The following TIAM1 variants were observed in gnomAD, a reference collection of about 807,000 sequenced individuals.
TIAM1 encodes TIAM Rac1 associated GEF 1, also known as rho guanine nucleotide exchange factor TIAM1.
A neutral mutation model predicts 163.5 loss-of-function variants in TIAM1; 65 were observed. That is an observed-to-expected ratio of 0.40 (90% CI 0.33 to 0.49). TIAM1 has a LOEUF of 0.49. Ranked by LOEUF, TIAM1 falls within the 20% of genes least tolerant of loss-of-function variation. The pLI is 0.77. For synonymous variants in TIAM1, 833 were observed against 810.1 expected, an observed-to-expected ratio of 1.03 and a Z score of -0.48; for missense variants, 1,789 against 2,044.7, an observed-to-expected ratio of 0.87 and a Z score of 2.41.
intron 2 of TIAM1, among the ~76,000 whole-genome samples, chr21:31,288,090 A>G (rs1444076823): frequency 6.6e-6 from 1 of 151,954 alleles, no homozygotes; most frequent in African/African-American, 2.4e-5. Context: ...AACACCTTCC[A>G]CTCTGAGGTA....
intron 1 of TIAM1, among the ~76,000 whole-genome samples, chr21:31,493,730 G>A (rs2046550358): frequency 6.6e-6 from 1 of 152,140 alleles, no homozygotes; most frequent in Non-Finnish European, 1.5e-5. Flanking sequence ...GAAATAAATG[G>A]ATCCAGCAGC....
chr21:31,219,990 C>T (rs2087467040), intron 8 of TIAM1, among the ~76,000 whole-genome samples: 1 of 152,146 alleles, frequency 6.6e-6, no homozygotes, highest in African/African-American at 2.4e-5. Flanking sequence ...TGCATATGCT[C>T]ACATGACTAT....
intron 13 of TIAM1, among the ~76,000 whole-genome samples, chr21:31,190,866 G>A (rs1350456592): frequency 1.3e-5 from 2 of 152,224 alleles, no homozygotes; most frequent in Non-Finnish European, 2.9e-5. Context: ...AAAATAGAAA[G>A]CAGCATATGA....
chr21:31,320,840 A>C, intron 2 of TIAM1, among the ~76,000 whole-genome samples: 1 of 152,190 alleles, frequency 6.6e-6, no homozygotes. Context: ...TAAAAACACA[A>C]TAATTAGCCA....
chr21:31,291,061 A>G (rs950715758), intron 2 of TIAM1, among the ~76,000 whole-genome samples: 1 of 152,346 alleles, frequency 6.6e-6, no homozygotes, highest in East Asian at 1.9e-4. Context: ...GAAGAAAATT[A>G]TAAGACAGAA....
At chr21:31,284,063 T>G (rs2073689832) in intron 2 of TIAM1, among the ~76,000 whole-genome samples, 1 of 152,214 alleles carries the variant, frequency 6.6e-6, no homozygotes, top group Admixed American at 6.5e-5. Flanking sequence ...TGTCATTAAC[T>G]TCTAATGCTT....
At chr21:31,488,636 G>C (rs1297333199) in intron 1 of TIAM1, among the ~76,000 whole-genome samples, 1 of 152,198 alleles carries the variant, frequency 6.6e-6, no homozygotes, top group African/African-American at 2.4e-5. Flanking sequence ...ACGGGCAAAA[G>C]AGCATATGCC....
intron 2 of TIAM1, among the ~76,000 whole-genome samples, chr21:31,402,725 G>T (rs1397773214): frequency 1.3e-5 from 2 of 152,100 alleles, no homozygotes; most frequent in Non-Finnish European, 1.5e-5. Context: ...CGAGGCGGGG[G>T]TATCATGAGG....
chr21:31,288,733 C>A (rs922753537), intron 2 of TIAM1, among the ~76,000 whole-genome samples: 1 of 152,164 alleles, frequency 6.6e-6, no homozygotes, highest in Non-Finnish European at 1.5e-5. Context: ...AAAAACAAAA[C>A]CAAACCCTCT....
chr21:31,336,948 C>T (rs147330565), intron 2 of TIAM1, among the ~76,000 whole-genome samples: 17 of 152,254 alleles, frequency 1.1e-4, no homozygotes, highest in East Asian at 3.9e-4. Flanking sequence ...TTACTAGGCA[C>T]GCCATGGCAG....
chr21:31,501,656 G>A (rs1420876488), intron 1 of TIAM1, among the ~76,000 whole-genome samples: 1 of 152,170 alleles, frequency 6.6e-6, no homozygotes, highest in African/African-American at 2.4e-5. Flanking sequence ...AGGCTGGAGT[G>A]CAGTGGCGCG....
intron 15 of TIAM1, among the ~76,000 whole-genome samples, chr21:31,173,553 A>AG: frequency 1.4e-5 from 2 of 147,970 alleles, no homozygotes; most frequent in Admixed American, 6.9e-5. Context: ...AGAGAGAGAG[A>AG]AAAGAAAAGA....
At chr21:31,133,431 G>A (rs557623950) in intron 23 of TIAM1, among the ~76,000 whole-genome samples, 51 of 152,270 alleles carry the variant, frequency 3.3e-4, no homozygotes, top group Middle Eastern at 3.4e-3. Context: ...TTTACACCAG[G>A]GACAGGTGCT....
Position 31,172,305 on chromosome 21 carries a change from G to T in TIAM1, c.2888-7240C>A, listed in dbSNP as rs561728175. Among the ~76,000 whole-genome samples the T allele has an allele frequency of 1.1e-3, 163 of 148,424 alleles. 1 individual carries two copies. Among genetic ancestry groups the T allele is most frequent in the African/African-American group, 3.4e-3 (138 of 40,324 alleles). On this transcript the variant is annotated intron_variant, in intron 15 of 27. Coordinates refer to ENST00000541036, the MANE Select transcript of TIAM1 (RefSeq NM_001353694.2). ...GACAACAACATGGTCAAGTTTGTTT[G>T]TTTTTTTTTTAATCCCATACAAACA... is the stretch of plus-strand genomic sequence containing the variant.
chr21:31,200,704 TA>T (rs67037836), intron 12 of TIAM1, among the ~76,000 whole-genome samples: 26,689 of 152,144 alleles, frequency 0.18, 3,440 homozygotes, highest in East Asian at 0.4. Context: ...TATTTCAATA[TA>T]TTTAGGGCAC....
chr21:31,444,175 C>T (rs185482618), intron 2 of TIAM1, among the ~76,000 whole-genome samples: 3 of 152,168 alleles, frequency 2.0e-5, no homozygotes, highest in East Asian at 1.9e-4. Flanking sequence ...AGCTGTCCCA[C>T]GGAAATTACA....
At position 31,204,680 on chromosome 21, in the gene TIAM1, G is replaced by A. The variant is rs553794094; in HGVS notation, c.2389-1668C>T. Among the ~76,000 whole-genome samples, 219 of 152,338 alleles carry A rather than the reference G, an allele frequency of 1.4e-3. 1 individual carries two copies. Among genetic ancestry groups the A allele is most frequent in the Middle Eastern group, 3.4e-3 (1 of 294 alleles). On this transcript the variant is annotated intron_variant, in intron 11 of 27. Transcript: ENST00000541036. ...ATAAATGCAGTCTTCAGGAGTGTCT[G>A]CAGCTGCAGGTAAAAGCTATGTAGA...
chr21:31,225,151 A>G (rs2087874421), intron 7 of TIAM1, among the ~76,000 whole-genome samples: 1 of 151,928 alleles, frequency 6.6e-6, no homozygotes, highest in African/African-American at 2.4e-5. Context: ...TCCTGAGACT[A>G]CAGTTGCGGC....
At chr21:31,512,914 G>A (rs74314375) in intron 1 of TIAM1, among the ~76,000 whole-genome samples, 2 of 151,942 alleles carry the variant, frequency 1.3e-5, no homozygotes, top group Non-Finnish European at 2.9e-5. Context: ...AAAGTGCTGT[G>A]ATTACAGGCA....
Sources: allele counts gnomAD v4.1 joint callset (sites outside exome capture counted in the v4.1 genomes callset), GRCh38; gene constraint gnomAD v4.1.1; transcripts MANE v1.5; gene names NCBI Gene and HGNC (gene_info 2026-07-23, HGNC 2026-07-21).